NPRL3: variants seen among roughly 807,000 people sequenced by gnomAD.
NPRL3 encodes NPR3 like, GATOR1 complex subunit.
In NPRL3, 23 loss-of-function variants were observed where a neutral mutation model predicts 57.2. The observed-to-expected ratio is 0.40, with a 90% CI of 0.29 to 0.57. NPRL3 has a LOEUF of 0.57. NPRL3 is among the 20% of genes least tolerant of loss of function. The probability of loss-of-function intolerance (pLI) is 0.42; values close to 1 mark genes in which losing one functional copy is unlikely to be tolerated. For missense variants in NPRL3, 691 were observed against 767.1 expected (o/e 0.90, Z 1.17); for synonymous variants, 333 against 321.1 (o/e 1.04, Z -0.39).
At chr16:123,169 C>T (rs1900353275) in intron 3 of NPRL3, among the ~76,000 whole-genome samples, 1 of 152,148 alleles carries the variant, frequency 6.6e-6, no homozygotes. Context: ...TGACAGAGTC[C>T]ACTCCTGCTT....
rs562559279 is a variant in NPRL3, at chr16:86,658, G to A, written c.*47C>T. 5.0e-5 allele frequency: 75 copies of A among 1,511,898 alleles called. No individual in the cohort carries two copies. Among genetic ancestry groups the A allele is most frequent in the Admixed American group, 3.4e-4 (17 of 49,752 alleles). 93.7% of individuals were successfully genotyped at this position (1,511,898 alleles called of 1,614,324 possible). ...GGGGAGCCCTGGGGTGGGGAGACGC[G>A]AGCGCCCACCTGCGCACCCCAGCAG... is the stretch of plus-strand genomic sequence containing the variant. On this transcript the variant is annotated 3_prime_UTR_variant, in exon 14 of 14. Transcript: ENST00000611875.
intron 11 of NPRL3, 27 bp from the exon 12 acceptor site, chr16:89,929 T>G (rs1596496764): frequency 6.5e-7 from 1 of 1,530,052 alleles, no homozygotes; most frequent in South Asian, 1.2e-5. Flanking sequence ...GTGAGGCTGG[T>G]CCCCCTCCCC....
chr16:132,776 T>C (rs1006054497), intron 2 of NPRL3, among the ~76,000 whole-genome samples: 2 of 150,684 alleles, frequency 1.3e-5, no homozygotes, highest in African/African-American at 4.9e-5. Flanking sequence ...TTCACGCCAT[T>C]CTCCTGCCTC....
chr16:137,899 CATTTT>C (rs1901184694), intron 2 of NPRL3, among the ~76,000 whole-genome samples: 1 of 152,068 alleles, frequency 6.6e-6, no homozygotes, highest in South Asian at 2.1e-4. Flanking sequence ...ATCCCAAACT[CATTTT>C]ATTTTATTTT....
intron 3 of NPRL3, among the ~76,000 whole-genome samples, chr16:128,726 C>A (rs1900656505): frequency 6.6e-6 from 1 of 152,156 alleles, no homozygotes. Flanking sequence ...TGAGATCGCG[C>A]CACTGCACTC....
intron 2 of NPRL3, among the ~76,000 whole-genome samples, chr16:134,780 C>A (rs2141989158): frequency 7.0e-6 from 1 of 143,146 alleles, no homozygotes; most frequent in South Asian, 2.2e-4. Context: ...CGGCTCACTG[C>A]AAGCTCCGCC....
In NPRL3 at chr16:135,382, A is replaced by G. The variant is rs118186020; in HGVS notation, c.118+2768T>C. Reference sequence around the variant, plus strand: ...AAGACATACTTTGGGATGCCGAGGAAGGCAGATCACGAGGTCAGGAGTTCA... The same window carrying G: ...AAGACATACTTTGGGATGCCGAGGAGGGCAGATCACGAGGTCAGGAGTTCA... On this transcript the variant is annotated intron_variant, in intron 2 of 13. Transcript: ENST00000611875. 1.4e-3 allele frequency among the ~76,000 whole-genome samples: 214 copies of G among 152,254 alleles called. 5 individuals carry two copies. The East Asian group carries it at 0.034, about 24-fold the overall frequency.
At chr16:123,234 G>A (rs1900355330) in intron 3 of NPRL3, among the ~76,000 whole-genome samples, 1 of 152,158 alleles carries the variant, frequency 6.6e-6, no homozygotes, top group Non-Finnish European at 1.5e-5. Flanking sequence ...GGAGGTTTGT[G>A]TGACATGCCT....
At chr16:103,742 G>A (rs1160361258) in intron 7 of NPRL3, among the ~76,000 whole-genome samples, 1 of 152,196 alleles carries the variant, frequency 6.6e-6, no homozygotes, top group Non-Finnish European at 1.5e-5. Flanking sequence ...AACCTGGGAG[G>A]CCGAGGCAGG....
intron 2 of NPRL3, among the ~76,000 whole-genome samples, chr16:134,402 C>A (rs1030069139): frequency 6.6e-6 from 1 of 151,816 alleles, no homozygotes; most frequent in African/African-American, 2.4e-5. Context: ...AAGAAGAGTG[C>A]AAAAGGCCCA....
chr16:111,049 T>A (rs1465835069), intron 6 of NPRL3, among the ~76,000 whole-genome samples: 2 of 152,234 alleles, frequency 1.3e-5, no homozygotes, highest in African/African-American at 2.4e-5. Flanking sequence ...ACTTTTGGAT[T>A]GTTATTATCA....
At chr16:90,009 G>A (rs207475736) in intron 11 of NPRL3, 107 bp from the exon 12 acceptor site, 10 of 1,070,856 alleles carry the variant, frequency 9.3e-6, no homozygotes, top group Non-Finnish European at 1.3e-5. Context: ...TCCCTGTGCT[G>A]ACGCACAGGC....
intron 3 of NPRL3, among the ~76,000 whole-genome samples, chr16:125,564 T>C (rs1900480457): frequency 6.6e-6 from 1 of 151,926 alleles, no homozygotes; most frequent in Admixed American, 6.6e-5. Context: ...GAGGAAGAGG[T>C]GAAGGCAACT....
chr16:104,147 G>A (rs1899430699), intron 7 of NPRL3, among the ~76,000 whole-genome samples: 1 of 148,854 alleles, frequency 6.7e-6, no homozygotes, highest in Non-Finnish European at 1.5e-5. Flanking sequence ...AAAAAAATTA[G>A]CCAGGTGTGG....
Position 100,418 on chromosome 16 carries a change from T to G in NPRL3, c.721A>C (p.Ser241Arg), listed in dbSNP as rs1255211374. ...TCGATGGCCTCTGGGGGGATCAGACTGGAGGCCGCATAGTGGATCTTGTGG... is the reference window on the plus strand; with the variant it reads ...TCGATGGCCTCTGGGGGGATCAGACGGGAGGCCGCATAGTGGATCTTGTGG... The part of the protein sequence containing the change: ...LPHKIHYAAS[S>R]LIPPEAIERS... The change falls in exon 8 of 14, where the codon AGT (serine) becomes CGT (arginine). Residue 241 changes from serine to arginine, a missense_variant. Physicochemically the swap from Ser to Arg is moderately radical, Grantham distance 110. Transcript: ENST00000611875. 6.2e-7 allele frequency: 1 copy of G among 1,604,598 alleles called. No homozygotes were observed. Among genetic ancestry groups the G allele is most frequent in the South Asian group, 1.1e-5 (1 of 89,486 alleles).
At chr16:125,096 A>AC (rs1900460246) in intron 3 of NPRL3, 1 of 163,966 alleles carries the variant, frequency 6.1e-6, no homozygotes, top group African/African-American at 2.4e-5. Flanking sequence ...AAAAAAAAAA[A>AC]ACCTTTATTT....
chr16:130,111 G>C (rs1388703717), intron 3 of NPRL3, among the ~76,000 whole-genome samples: 1 of 152,124 alleles, frequency 6.6e-6, no homozygotes, highest in Non-Finnish European at 1.5e-5. Flanking sequence ...ACCTGAGCCT[G>C]GACACCAAGA....
At chr16:100,558 G>C (rs1899238163) in intron 7 of NPRL3, 49 bp from the exon 8 acceptor site, 1 of 1,432,482 alleles carries the variant, frequency 7.0e-7, no homozygotes. Flanking sequence ...TTCTAACCAT[G>C]CACACAGATC....
chr16:88,990 CT>C, intron 12 of NPRL3, 100 bp from the exon 13 acceptor site: 20 of 1,079,754 alleles, frequency 1.9e-5, no homozygotes, highest in Non-Finnish European at 2.6e-5. Context: ...ACACCCCTAA[CT>C]CCTACAAGGG....
Sources: allele counts gnomAD v4.1 joint callset (sites outside exome capture counted in the v4.1 genomes callset), GRCh38; gene constraint gnomAD v4.1.1; transcripts MANE v1.5; gene names NCBI Gene and HGNC (gene_info 2026-07-23, HGNC 2026-07-21).